VPS41: variants seen among roughly 807,000 people sequenced by gnomAD.
VPS41 encodes the protein vacuolar protein sorting-associated protein 41 homolog.
A neutral mutation model predicts 130.9 loss-of-function variants in VPS41; 85 were observed. The observed-to-expected ratio is 0.65, with a 90% CI of 0.55 to 0.78. The LOEUF is 0.78. Ranked by LOEUF, VPS41 falls within the 30% of genes least tolerant of loss-of-function variation. The pLI is 0.00. For missense variants in VPS41, 874 were observed against 1,018.7 expected (o/e 0.86, Z 1.93); for synonymous variants, 335 against 332.9 (o/e 1.01, Z -0.07).
chr7:38,797,127 A>G (rs1784636805), intron 7 of VPS41: 2 of 304,256 alleles, frequency 6.6e-6, no homozygotes, highest in South Asian at 8.5e-5. Context: ...AAACACCAAG[A>G]TTCATGGAAA....
Position 38,886,776 on chromosome 7 carries a change from C to A in VPS41, c.60+11315G>T, listed in dbSNP as rs369208869. On this transcript the variant is annotated intron_variant, in intron 2 of 28. Coordinates refer to ENST00000310301, the MANE Select transcript of VPS41 (RefSeq NM_014396.4). Reference sequence around the variant, plus strand: ...GGAGACACCTTCCAGTAGGGGCCAACAGACACCTCATACAGGCAGGTGCCC... The same window carrying A: ...GGAGACACCTTCCAGTAGGGGCCAAAAGACACCTCATACAGGCAGGTGCCC... 3.5e-4 allele frequency among the ~76,000 whole-genome samples: 53 copies of A among 152,274 alleles called. 1 individual carries two copies. The highest frequency in any genetic ancestry group is 1.9e-4 in the East Asian group (1 of 5,172).
At chr7:38,835,224 T>C (rs1169119319) in intron 4 of VPS41, among the ~76,000 whole-genome samples, 1 of 151,980 alleles carries the variant, frequency 6.6e-6, no homozygotes, top group African/African-American at 2.4e-5. Context: ...CAATTCACTT[T>C]ATTTTAAAAT....
Position 38,837,497 on chromosome 7 carries a change from T to C in VPS41, c.247-7169A>G, listed in dbSNP as rs372645260. Among the ~76,000 whole-genome samples, 4 of 152,346 alleles carry C rather than the reference T, an allele frequency of 2.6e-5. 1 individual carries two copies. The highest frequency in any genetic ancestry group is 1.9e-4 in the East Asian group (1 of 5,190). On this transcript the variant is annotated intron_variant, in intron 4 of 28. Coordinates refer to ENST00000310301, the MANE Select transcript of VPS41 (RefSeq NM_014396.4). The stretch of plus-strand genomic sequence containing the variant: ...AAACCATCCCATGCTGTAGCCTGTA[T>C]GTTCTCTCTTCCTTTGGCTGATTTT...
intron 9 of VPS41, among the ~76,000 whole-genome samples, chr7:38,792,780 G>A (rs546366686): frequency 9.2e-5 from 14 of 152,094 alleles, no homozygotes; most frequent in African/African-American, 3.4e-4. Flanking sequence ...CTTCTCAAGG[G>A]CCCCTGGGCT....
intron 22 of VPS41, among the ~76,000 whole-genome samples, chr7:38,748,224 C>A (rs767078721): frequency 6.6e-6 from 1 of 151,916 alleles, no homozygotes; most frequent in Non-Finnish European, 1.5e-5. Flanking sequence ...CGCGCGCGTG[C>A]GCGCACACAC....
chr7:38,820,266 T>TA (rs1314464172), intron 6 of VPS41, among the ~76,000 whole-genome samples: 1 of 152,226 alleles, frequency 6.6e-6, no homozygotes, highest in African/African-American at 2.4e-5. Context: ...ATTAGGCTTC[T>TA]AAATTGTCTT....
Position 38,756,843 on chromosome 7 carries a change from A to C in VPS41, c.1690T>G (p.Ser564Ala). The C allele has an allele frequency of 6.4e-7, 1 of 1,560,708 alleles. No homozygotes were observed. Among genetic ancestry groups the C allele is most frequent in the Non-Finnish European group, 8.7e-7 (1 of 1,144,528 alleles). ...DKIVLLMDFD[S>A]EKAVDMLLDN... is the part of the protein sequence containing the mutation. ...TAAAATAAAAAGCACATTACCTCTG[A>C]ATCAAAATCCATTAATAAAACAATT... Residue 564 changes from serine (S) to alanine (A), a missense_variant, in exon 19 of 29, where the codon TCA becomes GCA. Ser to Ala is a moderately conservative substitution (Grantham distance 99, BLOSUM62 1). Transcript: ENST00000310301.
intron 2 of VPS41, among the ~76,000 whole-genome samples, chr7:38,895,057 C>T (rs1481174512): frequency 6.6e-6 from 1 of 152,238 alleles, no homozygotes; most frequent in African/African-American, 2.4e-5. Context: ...CACGGTGGCT[C>T]ACGCCTATAA....
chr7:38,805,009 G>T (rs761250117), intron 7 of VPS41, among the ~76,000 whole-genome samples: 28 of 152,204 alleles, frequency 1.8e-4, no homozygotes, highest in Non-Finnish European at 3.4e-4. Context: ...CAGCATCAGG[G>T]TAGAGATAAC....
chr7:38,841,843 A>G (rs1785614439), intron 4 of VPS41, among the ~76,000 whole-genome samples: 1 of 152,178 alleles, frequency 6.6e-6, no homozygotes, highest in Admixed American at 6.5e-5. Flanking sequence ...ACCTCAGGTG[A>G]TCCACCCACC....
At chr7:38,823,835 C>T (rs1004979902) in intron 5 of VPS41, among the ~76,000 whole-genome samples, 2 of 152,158 alleles carry the variant, frequency 1.3e-5, no homozygotes, top group Non-Finnish European at 2.9e-5. Context: ...ACATATGTCC[C>T]CCCCATCACC....
intron 4 of VPS41, among the ~76,000 whole-genome samples, chr7:38,841,387 T>A (rs1288473496): frequency 6.6e-6 from 1 of 152,198 alleles, no homozygotes; most frequent in Non-Finnish European, 1.5e-5. Context: ...GGCTGCCTAT[T>A]TCCTTTCATT....
intron 7 of VPS41, among the ~76,000 whole-genome samples, chr7:38,816,798 T>C (rs1007951221): frequency 1.3e-5 from 2 of 152,150 alleles, no homozygotes; most frequent in Admixed American, 1.3e-4. Context: ...CAGGCTGGAG[T>C]GCAATGGCAC....
rs1315204840 is a variant in VPS41, at chr7:38,725,384, C to G, written c.*862G>C. The G allele has an allele frequency of 6.6e-6, 1 of 152,238 alleles. No homozygotes were observed. The highest frequency in any genetic ancestry group is 2.4e-5 in the African/African-American group (1 of 41,450). The allele number at this position is 152,238 out of a possible 1,614,324, so 9.4% of individuals were successfully genotyped here. ...AGTCCGTCCTTCAGCATCAGGTGGT[C>G]CCACTGCTCCTGAGGCACCCTCAGT... On this transcript the variant is annotated 3_prime_UTR_variant, in exon 29 of 29. Transcript: ENST00000310301.
intron 5 of VPS41, among the ~76,000 whole-genome samples, chr7:38,826,979 C>T (rs1417775483): frequency 1.3e-5 from 2 of 151,952 alleles, no homozygotes; most frequent in East Asian, 1.9e-4. Context: ...CCGCCACACC[C>T]GGCTAATTTT....
At chr7:38,872,323 C>T (rs967119748) in intron 2 of VPS41, among the ~76,000 whole-genome samples, 2 of 152,218 alleles carry the variant, frequency 1.3e-5, no homozygotes, top group Non-Finnish European at 2.9e-5. Context: ...ATCCATGTTT[C>T]ATATGGCCTC....
At chr7:38,730,351 C>T (rs1326027330) in intron 25 of VPS41, among the ~76,000 whole-genome samples, 1 of 152,194 alleles carries the variant, frequency 6.6e-6, no homozygotes, top group Non-Finnish European at 1.5e-5. Flanking sequence ...TCCCAAAGAG[C>T]ACTGGCTTTG....
chr7:38,759,764 C>T (rs1411094986), intron 17 of VPS41, among the ~76,000 whole-genome samples: 8 of 152,140 alleles, frequency 5.3e-5, no homozygotes, highest in Non-Finnish European at 4.4e-5. Flanking sequence ...ACAGATATTA[C>T]CCAAGTCAGC....
At chr7:38,879,971 TA>T (rs2116376180) in intron 2 of VPS41, among the ~76,000 whole-genome samples, 1 of 151,938 alleles carries the variant, frequency 6.6e-6, no homozygotes, top group South Asian at 2.1e-4. Flanking sequence ...CAAAACAAAC[TA>T]AAATTTTTCT....
Sources: gnomAD v4.1 joint callset for allele counts (sites outside exome capture counted in the v4.1 genomes callset) on GRCh38, gnomAD v4.1.1 for gene constraint, MANE v1.5 for transcripts, NCBI Gene and HGNC (gene_info 2026-07-23, HGNC 2026-07-21) for gene names.